Variants in CFAP70 observed in about 807,000 individuals in gnomAD.
CFAP70 encodes the protein cilia- and flagella-associated protein 70.
In CFAP70, 81 loss-of-function variants were observed where a neutral mutation model predicts 137.6. The ratio of observed to expected loss-of-function variants is 0.59; its 90% CI spans 0.49 to 0.71. The LOEUF is 0.71. CFAP70 is among the 30% of genes least tolerant of loss of function. The probability of loss-of-function intolerance (pLI) is 0.00; values close to 1 mark genes in which losing one functional copy is unlikely to be tolerated. For missense variants in CFAP70, 976 were observed against 1,226.7 expected (o/e 0.80, Z 3.05); for synonymous variants, 382 against 423.6 (o/e 0.90, Z 1.20).
At position 73,273,038 on chromosome 10, in the gene CFAP70, T is replaced by G; in HGVS notation, c.2836-21A>C. 5 of 1,525,238 alleles carry G rather than the reference T, an allele frequency of 3.3e-6. No individual in the cohort carries two copies. In the South Asian group the frequency reaches 6.0e-5, roughly 18 times the overall value. The allele number at this position is 1,525,238 out of a possible 1,614,324, so 94.5% of individuals were successfully genotyped here. On this transcript the variant is annotated intron_variant, in intron 23 of 26. Coordinates refer to ENST00000310715, the Ensembl canonical transcript of CFAP70. The stretch of plus-strand genomic sequence containing the variant: ...TCATACTGTAGAAAGAAAGCACCAC[T>G]AAGCTACTGTTCTAGAAGCTTCAAA...
rs1474092000 is a variant in CFAP70, at chr10:73,299,566, T to C, written c.1317+39A>G. On this transcript the variant is annotated intron_variant, in intron 13 of 26. Transcript: ENST00000310715. ...AATTAACAAGTGCATGCACTCAATA[T>C]CTTATTACTTATCATTTCAACTTGG... The C allele has an allele frequency of 7.0e-6, 11 of 1,572,290 alleles. No individual in the cohort carries two copies. The Admixed American group carries it at 1.8e-4, about 26-fold the overall frequency.
intron 5 of CFAP70, among the ~76,000 whole-genome samples, chr10:73,344,572 A>G (rs2053547174): frequency 6.6e-6 from 1 of 152,196 alleles, no homozygotes; most frequent in Non-Finnish European, 1.5e-5. Flanking sequence ...ATCCACATAC[A>G]TGGCCCTGGA....
intron 7 of CFAP70, 118 bp downstream of exon 8, chr10:73,335,312 A>G: frequency 1.6e-6 from 1 of 614,558 alleles, no homozygotes; most frequent in South Asian, 2.4e-5. Flanking sequence ...GTGATAAATG[A>G]GAAAGTCTCA....
In CFAP70 at chr10:73,277,469, C is replaced by G. The variant is rs1366255003; in HGVS notation, c.2399-108G>C. On this transcript the variant is annotated intron_variant, in intron 20 of 26. Coordinates refer to ENST00000310715, the Ensembl canonical transcript of CFAP70. ...GTGGCTCACGCCTGTAATCCCAGCACTTTGGGAGGCCGAGGCAGGCAGATC... is the reference window on the plus strand; with the variant it reads ...GTGGCTCACGCCTGTAATCCCAGCAGTTTGGGAGGCCGAGGCAGGCAGATC... 2.5e-6 allele frequency: 3 copies of G among 1,220,082 alleles called. No homozygotes were observed. The African/African-American group carries it at 4.6e-5, about 19-fold the overall frequency. The allele number at this position is 1,220,082 out of a possible 1,614,324, so 75.6% of individuals were successfully genotyped here.
At chr10:73,287,143 A>G (rs1198114001) in intron 19 of CFAP70, among the ~76,000 whole-genome samples, 1 of 152,200 alleles carries the variant, frequency 6.6e-6, no homozygotes, top group African/African-American at 2.4e-5. Context: ...TGTTCCCAAC[A>G]GTAGTCACTG....
At chr10:73,322,085 C>T (rs988286600) in intron 9 of CFAP70, among the ~76,000 whole-genome samples, 1 of 152,214 alleles carries the variant, frequency 6.6e-6, no homozygotes, top group East Asian at 1.9e-4. Context: ...CACCCAGTCA[C>T]ACTTAAAATG....
chr10:73,301,509 C>T (rs1433681994), intron 12 of CFAP70, among the ~76,000 whole-genome samples: 2 of 152,080 alleles, frequency 1.3e-5, no homozygotes, highest in Non-Finnish European at 2.9e-5. Flanking sequence ...ATGAAAGAAG[C>T]CAGTCACCAC....
At chr10:73,323,179 G>A in intron 8 of CFAP70, 82 bp from the exon 10 acceptor site, 2 of 1,341,816 alleles carry the variant, frequency 1.5e-6, no homozygotes, top group East Asian at 2.5e-5. Flanking sequence ...CAGTTCAAAG[G>A]CCTGGTTTTA....
intron 26 of CFAP70, among the ~76,000 whole-genome samples, chr10:73,255,023 G>C (rs2044329412): frequency 6.6e-6 from 1 of 152,330 alleles, no homozygotes; most frequent in South Asian, 2.1e-4. Context: ...AACAGTTTGG[G>C]AGGCTGAAGT....
intron 12 of CFAP70, among the ~76,000 whole-genome samples, chr10:73,304,847 T>TAA (rs755417161): frequency 7.2e-6 from 1 of 138,406 alleles, no homozygotes; most frequent in Non-Finnish European, 1.6e-5. Context: ...CAGATAAACT[T>TAA]AAAAAAAAAA....
At chr10:73,311,813 C>T (rs769700953) in intron 11 of CFAP70, 21 bp downstream of exon 12, 8 of 1,591,972 alleles carry the variant, frequency 5.0e-6, no homozygotes, top group African/African-American at 1.3e-5. Context: ...ACTTAATTTT[C>T]CAAACTTCAT....
Position 73,275,461 on chromosome 10 carries a change from G to A in CFAP70, c.2658C>T (p.Ala886=). The A allele has an allele frequency of 6.2e-7, 1 of 1,606,334 alleles. No individual in the cohort carries two copies. The highest frequency in any genetic ancestry group is 1.7e-5 in the Admixed American group (1 of 58,592). ...AAGTCATTACCAGGTAGTCCATCTG[G>A]GCTGCTTGTTGAAGGTATTCCTCTG... The change falls in exon 22 of 27, where the codon GCC becomes GCT. Residue 886 remains alanine, a synonymous_variant. Transcript: ENST00000310715. This position sits in a 1 kb window ranked among gnomAD's most constrained non-coding sequence, Gnocchi z 4.0.
At chr10:73,256,680 G>T (rs1339586086) in intron 25 of CFAP70, among the ~76,000 whole-genome samples, 2 of 151,780 alleles carry the variant, frequency 1.3e-5, no homozygotes, top group African/African-American at 4.8e-5. Flanking sequence ...GAGGTGGGTG[G>T]ATCACAAGGT....
chr10:73,278,383 G>T, intron 19 of CFAP70, 46 bp from the exon 21 acceptor site: 1 of 1,499,930 alleles, frequency 6.7e-7, no homozygotes, highest in Non-Finnish European at 9.1e-7. Flanking sequence ...CTTACATTGG[G>T]TGTTTAAAGG....
chr10:73,348,329 C>A (rs750384651), intron 4 of CFAP70, 94 bp from the exon 5 acceptor site: 6 of 1,526,236 alleles, frequency 3.9e-6, no homozygotes, highest in Non-Finnish European at 5.5e-6. Flanking sequence ...CCCCTCAAAT[C>A]CCTCAAATTC....
intron 19 of CFAP70, among the ~76,000 whole-genome samples, chr10:73,279,359 C>A (rs2047068671): frequency 6.6e-6 from 1 of 151,504 alleles, no homozygotes; most frequent in South Asian, 2.1e-4. Context: ...CCCATCTCTA[C>A]TAAAAATACA....
At chr10:73,256,222 G>T in intron 26 of CFAP70, 147 bp downstream of exon 27, 1 of 805,832 alleles carries the variant, frequency 1.2e-6, no homozygotes, top group Non-Finnish European at 2.0e-6. Flanking sequence ...TACAAACCCA[G>T]CAGCCCCACG....
intron 9 of CFAP70, among the ~76,000 whole-genome samples, chr10:73,322,165 A>C (rs937990123): frequency 2.0e-5 from 3 of 152,304 alleles, no homozygotes; most frequent in African/African-American, 2.4e-5. Context: ...ATACATATTT[A>C]AAGTATATCA....
intron 25 of CFAP70, among the ~76,000 whole-genome samples, chr10:73,268,548 G>A (rs1462392370): frequency 6.6e-6 from 1 of 151,998 alleles, no homozygotes; most frequent in Admixed American, 6.6e-5. Context: ...CAATTTCTAA[G>A]AGAAGTATAT....
Sources: gnomAD v4.1 joint callset for allele counts (sites outside exome capture counted in the v4.1 genomes callset) on GRCh38, gnomAD v4.1.1 for gene constraint, Gnocchi (gnomAD v3.1) non-coding constraint, MANE v1.5 for transcripts, NCBI Gene and HGNC (gene_info 2026-07-23, HGNC 2026-07-21) for gene names.